SCOC: variants seen among roughly 807,000 people sequenced by gnomAD.
SCOC encodes the protein short coiled coil protein.
A neutral mutation model predicts 9.9 loss-of-function variants in SCOC; 7 were observed. The observed-to-expected ratio is 0.71, with a 90% CI of 0.40 to 1.33. The LOEUF is 1.33. Among genes scored for constraint, SCOC ranks in the 40% most tolerant of loss-of-function variants. SCOC has a pLI of 0.01. For synonymous variants in SCOC, 19 were observed against 28.2 expected (o/e 0.67, Z 1.03); for missense variants, 66 against 89.7 (o/e 0.74, Z 1.07).
rs146072609 is a variant in SCOC, at chr4:140,345,203, C to A, written c.70+1495C>A. 3.4e-4 allele frequency among the ~76,000 whole-genome samples: 51 copies of A among 152,200 alleles called. No individual in the cohort carries two copies. The Middle Eastern group carries it at 0.01, about 31-fold the overall frequency. On this transcript the variant is annotated intron_variant, in intron 2 of 4. Transcript: ENST00000338517. ...ACTAGGAAAGAGTGAGCAACGCTCT[C>A]TGGTTGGTAGTGAGAGTGCCGGCAA...
intron 1 of SCOC, among the ~76,000 whole-genome samples, chr4:140,301,345 A>T (rs1731804920): frequency 6.6e-6 from 1 of 152,110 alleles, no homozygotes; most frequent in East Asian, 1.9e-4. Flanking sequence ...ATTTAGGGGG[A>T]ATTAGGTATA....
At position 140,382,858 on chromosome 4, in the gene SCOC, A is replaced by G. The variant is rs1728614467; in HGVS notation, c.*1754A>G. The G allele has an allele frequency of 6.6e-6, 1 of 152,230 alleles. No homozygotes were observed. The highest frequency in any genetic ancestry group is 1.5e-5 in the Non-Finnish European group (1 of 68,040). The allele number at this position is 152,230 out of a possible 1,614,324, so 9.4% of individuals were successfully genotyped here. A position where few individuals can be genotyped will look rare whatever the true frequency, so the allele number is the denominator to read the frequency against. ...TTTAGCAAGAGACCCAGTGATAAAG[A>G]ATATAAATATAGAAGTTTCTCTCCC... On this transcript the variant is annotated 3_prime_UTR_variant, in exon 4 of 4. Coordinates refer to ENST00000608372, the MANE Select transcript of SCOC (RefSeq NM_001153484.2).
intron 2 of SCOC, among the ~76,000 whole-genome samples, chr4:140,364,864 C>T (rs1211047062): frequency 6.6e-6 from 1 of 152,108 alleles, no homozygotes; most frequent in Non-Finnish European, 1.5e-5. Flanking sequence ...TACTTGCCCC[C>T]AAACACAATG....
At chr4:140,362,298 T>TC (rs1560720805) in intron 2 of SCOC, among the ~76,000 whole-genome samples, 1 of 29,324 alleles carries the variant, frequency 3.4e-5, no homozygotes, top group African/African-American at 2.4e-4. Context: ...TTCTTCTTCT[T>TC]CTTTTTTTTT....
At chr4:140,344,073 T>A (rs904595855) in intron 2 of SCOC, among the ~76,000 whole-genome samples, 1 of 152,216 alleles carries the variant, frequency 6.6e-6, no homozygotes, top group African/African-American at 2.4e-5. Flanking sequence ...ATTGTATCAT[T>A]ACTGAAAACT....
intron 1 of SCOC, among the ~76,000 whole-genome samples, chr4:140,337,688 C>A (rs1299003080): frequency 6.6e-6 from 1 of 152,194 alleles, no homozygotes; most frequent in Non-Finnish European, 1.5e-5. Flanking sequence ...TGCAAATAAA[C>A]TAGAAAACCT....
chr4:140,288,467 C>T (rs1731365632), intron 1 of SCOC, among the ~76,000 whole-genome samples: 1 of 150,564 alleles, frequency 6.6e-6, no homozygotes, highest in Non-Finnish European at 1.5e-5. Flanking sequence ...ATAACGCAAT[C>T]CTATACACTA....
upstream of SCOC, among the ~76,000 whole-genome samples, chr4:140,341,619 C>T (rs1391523868): frequency 6.6e-6 from 1 of 152,198 alleles, no homozygotes; most frequent in Non-Finnish European, 1.5e-5. Flanking sequence ...TCCTAAAATA[C>T]TGGTCCATGA....
At position 140,373,702 on chromosome 4, in the gene SCOC, G is replaced by C. The variant is rs1054663777; in HGVS notation, c.-66G>C. On this transcript the variant is annotated 5_prime_UTR_variant, in exon 1 of 4. Coordinates refer to ENST00000608372, the MANE Select transcript of SCOC (RefSeq NM_001153484.2). ...GTCGGCCGGATCCCTCCTTCTCCCG[G>C]CGCCTCAAGCGGAAGGTGAGGGCCG... is the stretch of plus-strand genomic sequence containing the variant. The C allele has an allele frequency of 9.7e-6, 15 of 1,548,532 alleles. No homozygotes were observed. The highest frequency in any genetic ancestry group is 2.7e-5 in the African/African-American group (2 of 73,010).
intron 1 of SCOC, among the ~76,000 whole-genome samples, chr4:140,268,088 G>A (rs565592976): frequency 6.0e-4 from 92 of 152,314 alleles, no homozygotes; most frequent in Non-Finnish European, 9.6e-4. Context: ...GGACTTTAAT[G>A]GAGGAATTGA....
chr4:140,302,617 C>T (rs1349889594), intron 1 of SCOC, among the ~76,000 whole-genome samples: 4 of 152,160 alleles, frequency 2.6e-5, no homozygotes, highest in African/African-American at 9.7e-5. Flanking sequence ...GTCCTGAAGT[C>T]ATCCTGAAAG....
At chr4:140,364,668 G>C (rs548351510) in intron 2 of SCOC, among the ~76,000 whole-genome samples, 3 of 152,168 alleles carry the variant, frequency 2.0e-5, no homozygotes, top group African/African-American at 4.8e-5. Flanking sequence ...AGTCTTAATG[G>C]CTGTACAACA....
intron 1 of SCOC, among the ~76,000 whole-genome samples, chr4:140,259,076 G>A (rs1730572647): frequency 6.6e-6 from 1 of 152,238 alleles, no homozygotes; most frequent in African/African-American, 2.4e-5. Flanking sequence ...GAAATGCACA[G>A]ACAGGGTTAT....
At chr4:140,317,925 A>T (rs1260472436) in intron 1 of SCOC, among the ~76,000 whole-genome samples, 1 of 128,672 alleles carries the variant, frequency 7.8e-6, no homozygotes, top group African/African-American at 3.0e-5. Flanking sequence ...TTCAATTCCC[A>T]CCTATGAGTG....
chr4:140,275,550 T>TAG (rs904191854), intron 1 of SCOC, among the ~76,000 whole-genome samples: 4 of 152,236 alleles, frequency 2.6e-5, no homozygotes, highest in African/African-American at 9.6e-5. Flanking sequence ...AAGTAACGTT[T>TAG]AGTAAGCAGT....
intron 1 of SCOC, among the ~76,000 whole-genome samples, chr4:140,257,946 G>A (rs1312046625): frequency 2.6e-5 from 4 of 152,212 alleles, no homozygotes; most frequent in Admixed American, 2.0e-4. Flanking sequence ...AAGCACAGGC[G>A]GAATTGGTGA....
intron 1 of SCOC, among the ~76,000 whole-genome samples, chr4:140,280,164 T>A (rs1731067040): frequency 6.6e-6 from 1 of 152,154 alleles, no homozygotes; most frequent in Admixed American, 6.5e-5. Flanking sequence ...TTGCTCAGGC[T>A]GGAGTGCAGT....
At chr4:140,344,207 G>T (rs953131813) in intron 2 of SCOC, among the ~76,000 whole-genome samples, 2 of 152,188 alleles carry the variant, frequency 1.3e-5, no homozygotes, top group Non-Finnish European at 2.9e-5. Flanking sequence ...CTAAAATGCT[G>T]ATGGAAAGGA....
chr4:140,286,444 C>G (rs148063492), intron 1 of SCOC, among the ~76,000 whole-genome samples: 40 of 152,220 alleles, frequency 2.6e-4, no homozygotes, highest in African/African-American at 7.7e-4. Context: ...GTTGCCCCTC[C>G]CAAACTCTGT....
Sources: allele counts gnomAD v4.1 joint callset (sites outside exome capture counted in the v4.1 genomes callset), GRCh38; gene constraint gnomAD v4.1.1; transcripts MANE v1.5; gene names NCBI Gene and HGNC (gene_info 2026-07-23, HGNC 2026-07-21).